Variants in ZCCHC7 observed in about 807,000 individuals in gnomAD.
ZCCHC7 encodes zinc finger CCHC-type containing 7.
Under a neutral mutation model 52.0 loss-of-function variants are expected in ZCCHC7, and 35 were observed. The observed-to-expected ratio is 0.67, with a 90% CI of 0.51 to 0.89. The LOEUF (loss-of-function observed/expected upper bound fraction) is 0.89. ZCCHC7 is among the 40% of genes least tolerant of loss of function. The probability of loss-of-function intolerance (pLI) is 0.00; values close to 1 mark genes in which losing one functional copy is unlikely to be tolerated. For synonymous variants in ZCCHC7, 217 were observed against 221.5 expected, an observed-to-expected ratio of 0.98 and a Z score of 0.18; for missense variants, 574 against 649.1, an observed-to-expected ratio of 0.88 and a Z score of 1.26.
In ZCCHC7 at chr9:37,186,627, G is replaced by C. The variant is rs538133286; in HGVS notation, c.610+59685G>C. 41 of 464,804 alleles carry C rather than the reference G, an allele frequency of 8.8e-5. No individual in the cohort carries two copies. The South Asian group carries it at 1.3e-3, about 14-fold the overall frequency. The allele number at this position is 464,804 out of a possible 1,614,324, so 28.8% of individuals were successfully genotyped here. A position where few individuals can be genotyped will look rare whatever the true frequency, so the allele number is the denominator to read the frequency against. On this transcript the variant is annotated intron_variant, in intron 2 of 8. Transcript: ENST00000336755. Reference sequence around the variant, plus strand: ...TGCATTTTAAGAATGCATTAGTATTGCTGAGTATCATGTACTTTCCTAAAA... The same window carrying C: ...TGCATTTTAAGAATGCATTAGTATTCCTGAGTATCATGTACTTTCCTAAAA...
At chr9:37,253,836 G>C (rs987811056) in intron 2 of ZCCHC7, among the ~76,000 whole-genome samples, 8 of 151,884 alleles carry the variant, frequency 5.3e-5, no homozygotes, top group Non-Finnish European at 8.8e-5. Flanking sequence ...ACTCTTTAAA[G>C]ATAGTCCTTT....
At chr9:37,125,253 G>C (rs539705790) in intron 1 of ZCCHC7, among the ~76,000 whole-genome samples, 1 of 152,178 alleles carries the variant, frequency 6.6e-6, no homozygotes, top group African/African-American at 2.4e-5. Context: ...GAGCTCAAGC[G>C]GTTCTCCCAC....
At chr9:37,308,120 G>A (rs761865078) in intron 5 of ZCCHC7, among the ~76,000 whole-genome samples, 1 of 152,130 alleles carries the variant, frequency 6.6e-6, no homozygotes, top group Non-Finnish European at 1.5e-5. Context: ...TATTAATAAA[G>A]TGGTATATGG....
chr9:37,194,442 G>C (rs1335497075), intron 2 of ZCCHC7, among the ~76,000 whole-genome samples: 2 of 152,128 alleles, frequency 1.3e-5, no homozygotes, highest in African/African-American at 4.8e-5. Flanking sequence ...AGTGTATTTA[G>C]TATAGGGAAT....
At chr9:37,122,400 A>G (rs1284977521) in intron 1 of ZCCHC7, among the ~76,000 whole-genome samples, 1 of 152,230 alleles carries the variant, frequency 6.6e-6, no homozygotes, top group East Asian at 1.9e-4. Flanking sequence ...AAGATGTTAT[A>G]TAGGAAACAT....
chr9:37,230,746 T>A (rs1021749432), intron 2 of ZCCHC7, among the ~76,000 whole-genome samples: 1 of 152,168 alleles, frequency 6.6e-6, no homozygotes, highest in Non-Finnish European at 1.5e-5. Flanking sequence ...ATGAATTAAT[T>A]TTTTTATCTA....
At chr9:37,176,364 C>T (rs757679834) in intron 2 of ZCCHC7, among the ~76,000 whole-genome samples, 2 of 152,150 alleles carry the variant, frequency 1.3e-5, no homozygotes, top group Admixed American at 6.5e-5. Flanking sequence ...TGAGCCACCG[C>T]GCCCAGTCTA....
At chr9:37,131,255 G>A (rs1454134920) in intron 2 of ZCCHC7, among the ~76,000 whole-genome samples, 2 of 151,528 alleles carry the variant, frequency 1.3e-5, no homozygotes, top group Non-Finnish European at 2.9e-5. Context: ...CAGGAGAATG[G>A]TGTGAACCTG....
chr9:37,170,410 A>C (rs1821666319), intron 2 of ZCCHC7, among the ~76,000 whole-genome samples: 1 of 152,234 alleles, frequency 6.6e-6, no homozygotes, highest in South Asian at 2.1e-4. Context: ...TCATTCTCAC[A>C]TACCAATTCC....
At chr9:37,298,904 C>G (rs948318580) in intron 2 of ZCCHC7, among the ~76,000 whole-genome samples, 2 of 152,150 alleles carry the variant, frequency 1.3e-5, no homozygotes, top group Admixed American at 6.5e-5. Flanking sequence ...CTTTCTTTCT[C>G]CTTTCGTTTG....
intron 2 of ZCCHC7, among the ~76,000 whole-genome samples, chr9:37,213,076 A>G (rs891875569): frequency 6.6e-6 from 1 of 152,030 alleles, no homozygotes; most frequent in African/African-American, 2.4e-5. Context: ...CATTTTAAAC[A>G]ATATTGCAAA....
intron 2 of ZCCHC7, among the ~76,000 whole-genome samples, chr9:37,284,785 A>G (rs1006629597): frequency 6.6e-6 from 1 of 152,192 alleles, no homozygotes; most frequent in African/African-American, 2.4e-5. Flanking sequence ...TGAAAAATCC[A>G]GCTTTAAACC....
chr9:37,299,238 C>T (rs1211094776), intron 2 of ZCCHC7, among the ~76,000 whole-genome samples: 1 of 152,024 alleles, frequency 6.6e-6, no homozygotes, highest in Admixed American at 6.6e-5. Flanking sequence ...GTTCCTGGGC[C>T]GTATGGAAAG....
chr9:37,236,163 C>T (rs1345270294), intron 2 of ZCCHC7, among the ~76,000 whole-genome samples: 2 of 152,136 alleles, frequency 1.3e-5, no homozygotes, highest in Non-Finnish European at 2.9e-5. Flanking sequence ...TTTACATTCT[C>T]ATCAGCATTG....
chr9:37,226,342 G>A (rs1234739333), intron 2 of ZCCHC7, among the ~76,000 whole-genome samples: 3 of 152,056 alleles, frequency 2.0e-5, no homozygotes, highest in African/African-American at 7.2e-5. Flanking sequence ...ATATTTTTAA[G>A]GTTGCAATTT....
At chr9:37,144,070 C>T (rs901852761) in intron 2 of ZCCHC7, among the ~76,000 whole-genome samples, 2 of 151,646 alleles carry the variant, frequency 1.3e-5, no homozygotes, top group African/African-American at 4.8e-5. Context: ...TTAACGGGAG[C>T]CATACTTTAA....
intron 2 of ZCCHC7, among the ~76,000 whole-genome samples, chr9:37,204,906 T>C (rs1823823280): frequency 6.6e-6 from 1 of 152,244 alleles, no homozygotes; most frequent in African/African-American, 2.4e-5. Flanking sequence ...TGTTTGATCA[T>C]GGGCAAAGCA....
chr9:37,183,415 T>C (rs936137383), intron 2 of ZCCHC7, among the ~76,000 whole-genome samples: 2 of 152,224 alleles, frequency 1.3e-5, no homozygotes, highest in Admixed American at 6.5e-5. Context: ...GTTATTTGTT[T>C]TCAGCCTGGT....
At chr9:37,180,556 T>C (rs1370176444) in intron 2 of ZCCHC7, among the ~76,000 whole-genome samples, 1 of 151,884 alleles carries the variant, frequency 6.6e-6, no homozygotes, top group Non-Finnish European at 1.5e-5. Flanking sequence ...TTTACTTTGG[T>C]GGAATATTTT....
Sources: gnomAD v4.1 joint callset for allele counts (sites outside exome capture counted in the v4.1 genomes callset) on GRCh38, gnomAD v4.1.1 for gene constraint, MANE v1.5 for transcripts, NCBI Gene and HGNC (gene_info 2026-07-23, HGNC 2026-07-21) for gene names.